DDX19A: variants seen among roughly 807,000 people sequenced by gnomAD.
DDX19A encodes the protein ATP-dependent RNA helicase DDX19A.
Under a neutral mutation model 60.6 loss-of-function variants are expected in DDX19A, and 12 were observed. The ratio of observed to expected loss-of-function variants is 0.20; its 90% CI spans 0.13 to 0.32. DDX19A has a LOEUF of 0.32. Among genes scored for constraint, DDX19A ranks in the 10% least tolerant of loss-of-function variants. DDX19A has a pLI of 1.00. For synonymous variants in DDX19A, 206 were observed against 218.2 expected (o/e 0.94, Z 0.49); for missense variants, 337 against 600.6 (o/e 0.56, Z 4.59).
At chr16:70,369,435 C>G (rs1292735341) in intron 9 of DDX19A, among the ~76,000 whole-genome samples, 2 of 151,842 alleles carry the variant, frequency 1.3e-5, no homozygotes, top group African/African-American at 2.4e-5. Flanking sequence ...ACCTCGGCCT[C>G]CCGAAGTGCT....
chr16:70,372,281 C>T lies in DDX19A; in HGVS notation c.*295C>T. 2.0e-6 allele frequency: 1 copy of T among 489,054 alleles called. No individual in the cohort carries two copies. 30.3% of individuals were successfully genotyped at this position (489,054 alleles called of 1,614,324 possible). ...GTGGTAGTCGCTGGCCCCAGGACCC[C>T]CTCCTGATTTTGGCTAGGCATCGTG... On this transcript the variant is annotated 3_prime_UTR_variant, in exon 12 of 12. Transcript: ENST00000302243.
chr16:70,356,243 C>A lies in DDX19A; in HGVS notation c.289C>A (p.Arg97=), dbSNP rs375778080. 8.7e-6 allele frequency: 14 copies of A among 1,614,070 alleles called. No homozygotes were observed. Among genetic ancestry groups the A allele is most frequent in the Non-Finnish European group, 1.2e-5 (14 of 1,180,046 alleles). Residue 97 remains arginine (R), a synonymous_variant, in exon 4 of 12, where the codon CGG becomes AGG. Transcript: ENST00000302243. Reference sequence around the variant, plus strand: ...CTCGGTGAAGTCGTTTGAAGAGCTTCGGCTGTGAGTATTCGCTCCTTTCAA... The same window carrying A: ...CTCGGTGAAGTCGTTTGAAGAGCTTAGGCTGTGAGTATTCGCTCCTTTCAA... ...LYSVKSFEEL[R]LKPQLLQGVY...
At chr16:70,353,757 C>T (rs571497808) in intron 2 of DDX19A, among the ~76,000 whole-genome samples, 8 of 151,770 alleles carry the variant, frequency 5.3e-5, no homozygotes, top group Non-Finnish European at 1.0e-4. Flanking sequence ...AAAAATTGCC[C>T]GGGCATGGTG....
At chr16:70,352,349 A>G (rs1016928138) in intron 2 of DDX19A, among the ~76,000 whole-genome samples, 1 of 149,698 alleles carries the variant, frequency 6.7e-6, no homozygotes, top group Admixed American at 6.7e-5. Context: ...CAGTGGTGCA[A>G]TCTTGGCTCA....
chr16:70,346,936 C>G lies in DDX19A; in HGVS notation c.-56C>G, dbSNP rs756265560. 1 of 1,557,690 alleles carries G rather than the reference C, an allele frequency of 6.4e-7. No individual in the cohort carries two copies. The highest frequency in any genetic ancestry group is 1.3e-5 in the African/African-American group (1 of 74,112). On this transcript the variant is annotated 5_prime_UTR_variant, in exon 1 of 12. Coordinates refer to ENST00000302243, the MANE Select transcript of DDX19A (RefSeq NM_018332.5). Reference sequence around the variant, plus strand: ...GCGCCGGTGGCGAGGTTAGGGCCCGCGTTGCGACGTGGTGCAGCGCATATT... The same window carrying G: ...GCGCCGGTGGCGAGGTTAGGGCCCGGGTTGCGACGTGGTGCAGCGCATATT...
intron 4 of DDX19A, among the ~76,000 whole-genome samples, chr16:70,357,072 C>A (rs1964216914): frequency 6.7e-6 from 1 of 150,342 alleles, no homozygotes; most frequent in African/African-American, 2.4e-5. Context: ...CATGGTGAAA[C>A]CCTGTCTCCA....
rs151075279 is a variant in DDX19A, at chr16:70,346,932, C to T, written c.-60C>T. 13 of 1,543,752 alleles carry T rather than the reference C, an allele frequency of 8.4e-6. No individual in the cohort carries two copies. The highest frequency in any genetic ancestry group is 1.1e-5 in the Non-Finnish European group (12 of 1,133,770). The stretch of plus-strand genomic sequence containing the variant: ...TCTCGCGCCGGTGGCGAGGTTAGGG[C>T]CCGCGTTGCGACGTGGTGCAGCGCA... On this transcript the variant is annotated 5_prime_UTR_variant, in exon 1 of 12. Coordinates refer to ENST00000302243, the MANE Select transcript of DDX19A (RefSeq NM_018332.5).
rs759828866 is a variant in DDX19A, at chr16:70,347,012, C to T, written c.21C>T (p.Ala7=). Residue 7 remains alanine (A), a synonymous_variant, in exon 1 of 12, where the codon GCC becomes GCT. Transcript: ENST00000302243. Reference sequence around the variant, plus strand: ...GGACTATGGCCACCGACTCGTGGGCCCTGGCGGTGGACGAGCAGGAAGCGG... The same window carrying T: ...GGACTATGGCCACCGACTCGTGGGCTCTGGCGGTGGACGAGCAGGAAGCGG... MATDSW[A]LAVDEQEAAV... 6.2e-7 allele frequency: 1 copy of T among 1,612,846 alleles called. No homozygotes were observed. Among genetic ancestry groups the T allele is most frequent in the Non-Finnish European group, 8.5e-7 (1 of 1,179,830 alleles).
At chr16:70,362,054 A>G (rs1429717694) in intron 5 of DDX19A, among the ~76,000 whole-genome samples, 2 of 151,868 alleles carry the variant, frequency 1.3e-5, no homozygotes, top group Non-Finnish European at 2.9e-5. Flanking sequence ...ATGTGCCTGT[A>G]GTCCCAGCTA....
chr16:70,367,082 G>T (rs1389757343), intron 9 of DDX19A, among the ~76,000 whole-genome samples: 1 of 152,130 alleles, frequency 6.6e-6, no homozygotes, highest in East Asian at 1.9e-4. Flanking sequence ...TGTGGATGAT[G>T]TATTGTTGCA....
intron 3 of DDX19A, 63 bp from the exon 4 acceptor site, chr16:70,356,049 G>A (rs1307017884): frequency 3.7e-6 from 6 of 1,604,386 alleles, no homozygotes; most frequent in Middle Eastern, 2.2e-4. Context: ...GGGAGAAAGA[G>A]TGGCTTCATA....
chr16:70,361,022 CA>C (rs1171380976), intron 4 of DDX19A: 9 of 206,598 alleles, frequency 4.4e-5, no homozygotes, highest in Non-Finnish European at 8.7e-5. Flanking sequence ...AGATTACAGG[CA>C]TGAGTCACTG....
In DDX19A at chr16:70,372,073, C is replaced by G; in HGVS notation, c.*87C>G. On this transcript the variant is annotated 3_prime_UTR_variant, in exon 12 of 12. Coordinates refer to ENST00000302243, the MANE Select transcript of DDX19A (RefSeq NM_018332.5). ...TTAGGGCACAGGCCCCGACATCACC[C>G]CAAGGACAACGGCAGAAGTAGAGAG... is the stretch of plus-strand genomic sequence containing the variant. 1 of 1,596,562 alleles carries G rather than the reference C, an allele frequency of 6.3e-7. No homozygotes were observed. Among genetic ancestry groups the G allele is most frequent in the Non-Finnish European group, 8.6e-7 (1 of 1,165,036 alleles).
At chr16:70,356,365 T>A in intron 4 of DDX19A, 118 bp downstream of exon 4, 1 of 1,494,884 alleles carries the variant, frequency 6.7e-7, no homozygotes, top group Non-Finnish European at 9.0e-7. Flanking sequence ...TTTTTTCCTT[T>A]TTTTTTTCGA....
Position 70,366,631 on chromosome 16 carries a change from C to T in DDX19A, c.790C>T (p.Pro264Ser), listed in dbSNP as rs774007815. 2.0e-5 allele frequency: 32 copies of T among 1,614,026 alleles called. No individual in the cohort carries two copies. Among genetic ancestry groups the T allele is most frequent in the Non-Finnish European group, 2.7e-5 (32 of 1,180,012 alleles). ...CCGGGCCTTCCCTTGCAGGATGCTG[C>T]CCAGGAACTGCCAGATGCTGCTTTT... ...DQSIRIQRML[P>S]RNCQMLLFSA... The change falls in exon 9 of 12, where the codon CCC becomes TCC. Residue 264 changes from proline to serine, a missense_variant. Around this residue, in one of 6 missense-constraint regions of DDX19A, gnomAD observed 117 missense variants for 274.3 expected, o/e 0.43. Transcript: ENST00000302243.
chr16:70,355,071 T>G (rs1964140060), intron 2 of DDX19A, among the ~76,000 whole-genome samples: 2 of 152,150 alleles, frequency 1.3e-5, no homozygotes. Context: ...TATATTTTGA[T>G]TACTTAAAAT....
chr16:70,353,898 C>CT (rs1964104732), intron 2 of DDX19A, among the ~76,000 whole-genome samples: 1 of 136,000 alleles, frequency 7.4e-6, no homozygotes, highest in Non-Finnish European at 1.5e-5. Context: ...GAGACTCTGT[C>CT]TCAAAAAAAA....
At chr16:70,361,307 T>C in intron 4 of DDX19A, 111 bp from the exon 5 acceptor site, 4 of 838,446 alleles carry the variant, frequency 4.8e-6, no homozygotes, top group Non-Finnish European at 7.8e-6. Flanking sequence ...GGAAAATACG[T>C]CTGACAGAGG....
chr16:70,359,165 C>T (rs1964301786), intron 4 of DDX19A, among the ~76,000 whole-genome samples: 1 of 152,128 alleles, frequency 6.6e-6, no homozygotes, highest in African/African-American at 2.4e-5. Flanking sequence ...CTGCTTTGTA[C>T]CTAAAATATT....
Sources: gnomAD v4.1 joint callset for allele counts (sites outside exome capture counted in the v4.1 genomes callset) on GRCh38, gnomAD v4.1.1 for gene constraint, gnomAD v4.1.1 regional missense constraint, MANE v1.5 for transcripts, NCBI Gene and HGNC (gene_info 2026-07-23, HGNC 2026-07-21) for gene names.